The following LRRIQ3 variants were observed in gnomAD, a reference collection of about 807,000 sequenced individuals.
LRRIQ3 encodes leucine rich repeats and IQ motif containing 3.
Under a neutral mutation model 59.3 loss-of-function variants are expected in LRRIQ3, and 75 were observed. The ratio of observed to expected loss-of-function variants is 1.26; its 90% CI spans 1.05 to 1.53. The LOEUF (loss-of-function observed/expected upper bound fraction) is 1.53, where lower values mean the gene tolerates loss of function less well. Ranked by LOEUF, LRRIQ3 falls within the 40% of genes most tolerant of loss-of-function variation. The pLI is 0.00. For missense variants in LRRIQ3, 831 were observed against 710.0 expected (o/e 1.17, Z -1.94); for synonymous variants, 250 against 231.3 (o/e 1.08, Z -0.73).
intron 7 of LRRIQ3, among the ~76,000 whole-genome samples, chr1:74,027,505 C>T (rs112282170): frequency 1.1e-4 from 16 of 152,124 alleles, no homozygotes; most frequent in Admixed American, 3.3e-4. Flanking sequence ...TGGGAGGACA[C>T]AAGGCAAAGG....
At chr1:74,117,635 G>C (rs891264626) in intron 4 of LRRIQ3, among the ~76,000 whole-genome samples, 1 of 151,994 alleles carries the variant, frequency 6.6e-6, no homozygotes, top group Admixed American at 6.6e-5. Flanking sequence ...GCATGGTGAT[G>C]CACACCTGTA....
At chr1:74,149,066 C>A (rs1647757428) in intron 4 of LRRIQ3, among the ~76,000 whole-genome samples, 1 of 151,946 alleles carries the variant, frequency 6.6e-6, no homozygotes, top group African/African-American at 2.4e-5. Flanking sequence ...ATTATTTTTT[C>A]TATATCATTG....
At chr1:74,044,143 T>A (rs1315553687) in intron 6 of LRRIQ3, among the ~76,000 whole-genome samples, 1 of 152,164 alleles carries the variant, frequency 6.6e-6, no homozygotes, top group East Asian at 1.9e-4. Flanking sequence ...AACCTTCTTA[T>A]GAGTAAGGAT....
Position 74,163,269 on chromosome 1 carries a change from G to T in LRRIQ3, c.574-7403C>A, listed in dbSNP as rs540088679. ...TTTTTATTTATTCTTTTAATATTAT[G>T]TTCACTTTAATAGTCCCACAAAATG... On this transcript the variant is annotated intron_variant, in intron 3 of 7. Coordinates refer to ENST00000354431, the MANE Select transcript of LRRIQ3 (RefSeq NM_001105659.2). 8.6e-5 allele frequency among the ~76,000 whole-genome samples: 13 copies of T among 151,288 alleles called. No homozygotes were observed. In the South Asian group the frequency reaches 1.5e-3, roughly 17 times the overall value.
chr1:74,088,794 G>T (rs1398427879), intron 5 of LRRIQ3, among the ~76,000 whole-genome samples: 1 of 151,410 alleles, frequency 6.6e-6, no homozygotes, highest in Non-Finnish European at 1.5e-5. Context: ...AAAAATAAAG[G>T]CAACAAGAAA....
intron 6 of LRRIQ3, among the ~76,000 whole-genome samples, chr1:74,073,478 T>C (rs541195884): frequency 1.2e-4 from 18 of 151,792 alleles, no homozygotes; most frequent in African/African-American, 4.4e-4. Flanking sequence ...TCCACTGCAC[T>C]CAAACTTAGG....
intron 4 of LRRIQ3, among the ~76,000 whole-genome samples, chr1:74,124,558 A>G (rs918810863): frequency 3.3e-5 from 5 of 151,960 alleles, no homozygotes; most frequent in African/African-American, 9.7e-5. Context: ...ATGGTGGTCC[A>G]ATATCATTGC....
At chr1:74,052,181 C>G (rs1282335799) in intron 6 of LRRIQ3, among the ~76,000 whole-genome samples, 3 of 152,028 alleles carry the variant, frequency 2.0e-5, no homozygotes, top group African/African-American at 7.2e-5. Context: ...CCACCAGGAC[C>G]GCGCTGACTA....
At chr1:74,061,554 G>A (rs945679643) in intron 6 of LRRIQ3, among the ~76,000 whole-genome samples, 2 of 151,996 alleles carry the variant, frequency 1.3e-5, no homozygotes, top group Non-Finnish European at 2.9e-5. Context: ...TACATTTGCA[G>A]AAAATGAAAA....
intron 1 of LRRIQ3, among the ~76,000 whole-genome samples, chr1:74,197,270 A>G (rs187117251): frequency 1.7e-4 from 26 of 152,364 alleles, no homozygotes; most frequent in African/African-American, 6.3e-4. Context: ...ACGTTGATAC[A>G]GAGAAATCGT....
intron 5 of LRRIQ3, among the ~76,000 whole-genome samples, chr1:74,085,732 G>A (rs1328602143): frequency 1.3e-5 from 2 of 151,970 alleles, no homozygotes; most frequent in Admixed American, 1.3e-4. Flanking sequence ...CTTTAAGATA[G>A]CATAATTGTA....
intron 4 of LRRIQ3, chr1:74,138,504 G>A (rs12043976): frequency 0.36 from 352,193 of 979,894 alleles, 65,305 homozygotes; most frequent in Middle Eastern, 0.41. Flanking sequence ...CAAGTTGAAT[G>A]TCTGTTGTCT....
chr1:74,144,232 C>T lies in LRRIQ3; in HGVS notation c.707+11501G>A, dbSNP rs1453629714. Among the ~76,000 whole-genome samples the T allele has an allele frequency of 2.6e-5, 4 of 151,940 alleles. No individual in the cohort carries two copies. In the East Asian group the frequency reaches 7.7e-4, roughly 29 times the overall value. On this transcript the variant is annotated intron_variant, in intron 4 of 7. Transcript: ENST00000354431. ...TAATTTCCTAGATTATAATCAGTGTCCCTTCATTTGACAAGGAGTCTTATT... is the reference window on the plus strand; with the variant it reads ...TAATTTCCTAGATTATAATCAGTGTTCCTTCATTTGACAAGGAGTCTTATT...
intron 5 of LRRIQ3, among the ~76,000 whole-genome samples, chr1:74,094,792 T>C (rs761338086): frequency 6.6e-6 from 1 of 152,116 alleles, no homozygotes; most frequent in Non-Finnish European, 1.5e-5. Flanking sequence ...CCAGAAATGA[T>C]GGAATTTTTT....
intron 5 of LRRIQ3, among the ~76,000 whole-genome samples, chr1:74,102,969 C>T (rs1646556071): frequency 6.6e-6 from 1 of 151,970 alleles, no homozygotes; most frequent in African/African-American, 2.4e-5. Context: ...ATCAATATTG[C>T]TTCCTTGGAC....
chr1:74,042,064 C>A, intron 6 of LRRIQ3, 131 bp from the exon 7 acceptor site: 3 of 869,036 alleles, frequency 3.5e-6, no homozygotes, highest in Non-Finnish European at 4.7e-6. Context: ...TCCCAAGTAC[C>A]TTTTCAACTT....
chr1:74,033,556 G>A (rs1485088218), intron 7 of LRRIQ3, among the ~76,000 whole-genome samples: 1 of 151,948 alleles, frequency 6.6e-6, no homozygotes, highest in Non-Finnish European at 1.5e-5. Context: ...GCAGTTCCAA[G>A]TGATAAGAGG....
chr1:74,083,362 G>A (rs1646293116), intron 5 of LRRIQ3: 1 of 151,716 alleles, frequency 6.6e-6, no homozygotes, highest in African/African-American at 2.4e-5. Context: ...GACTGGATAA[G>A]GTGACTCAAA....
intron 1 of LRRIQ3, among the ~76,000 whole-genome samples, chr1:74,190,024 T>C (rs773052433): frequency 1.4e-4 from 22 of 152,160 alleles, no homozygotes; most frequent in Non-Finnish European, 2.6e-4. Context: ...TGTAAGGAGC[T>C]TGGAGTAGTC....
Sources: allele counts gnomAD v4.1 joint callset (sites outside exome capture counted in the v4.1 genomes callset), GRCh38; gene constraint gnomAD v4.1.1; transcripts MANE v1.5; gene names NCBI Gene and HGNC (gene_info 2026-07-23, HGNC 2026-07-21).